The following MED13L variants were observed in gnomAD, a reference collection of about 807,000 sequenced individuals.
MED13L encodes the protein mediator of RNA polymerase II transcription subunit 13-like.
MED13L carries 7 observed loss-of-function variants against 220.9 expected under a neutral mutation model. The observed-to-expected ratio is 0.03, with a 90% CI of 0.02 to 0.06. MED13L has a LOEUF of 0.06. MED13L is among the 10% of genes least tolerant of loss of function. The pLI, the probability that MED13L is intolerant of heterozygous loss-of-function variation, is 1.00. For missense variants in MED13L, 1,965 were observed against 2,760.5 expected, an observed-to-expected ratio of 0.71 and a Z score of 6.46; for synonymous variants, 1,011 against 1,015.2, an observed-to-expected ratio of 1.00 and a Z score of 0.08.
chr12:116,142,864 T>A lies in MED13L; in HGVS notation c.311-31352A>T, dbSNP rs112799668. 8.1e-3 allele frequency among the ~76,000 whole-genome samples: 1,228 copies of A among 152,342 alleles called. 23 individuals carry two copies. The highest frequency in any genetic ancestry group is 0.028 in the African/African-American group (1,156 of 41,570). ...TTATAATATGATGGAATTATACGTTTAAAATTTAAAACTATTCTTACAGTG... is the reference window on the plus strand; with the variant it reads ...TTATAATATGATGGAATTATACGTTAAAAATTTAAAACTATTCTTACAGTG... On this transcript the variant is annotated intron_variant, in intron 2 of 30. Coordinates refer to ENST00000281928, the MANE Select transcript of MED13L (RefSeq NM_015335.5).
intron 3 of MED13L, 32 bp downstream of exon 3, chr12:116,111,396 T>C (rs1467729218): frequency 1.3e-6 from 2 of 1,581,682 alleles, no homozygotes; most frequent in South Asian, 1.1e-5. Flanking sequence ...CTTGGTTGTC[T>C]GCAAACCACT....
At position 116,237,489 on chromosome 12, in the gene MED13L, C is replaced by T. The variant is rs773879689; in HGVS notation, c.289G>A (p.Val97Ile). ...WWGDEPNLVG[V>I]IHHELQVVEE... ...TTACCCTGCAGTTCATGATGTATTA[C>T]ACCCACTAGGTTGGGTTCATCTCCC... is the stretch of plus-strand genomic sequence containing the variant. Residue 97 changes from valine to isoleucine, a missense_variant, in exon 2 of 31, where the codon GTA becomes ATA. Val to Ile is a conservative substitution (Grantham distance 29). Around this residue, in one of 10 missense-constraint regions of MED13L, gnomAD observed 818 missense variants for 1,041.2 expected, o/e 0.79. Transcript: ENST00000281928. 1.9e-6 allele frequency: 3 copies of T among 1,611,592 alleles called. No homozygotes were observed. Among genetic ancestry groups the T allele is most frequent in the Non-Finnish European group, 8.5e-7 (1 of 1,177,636 alleles).
chr12:116,263,457 T>A (rs929517368), intron 1 of MED13L, among the ~76,000 whole-genome samples: 6 of 152,188 alleles, frequency 3.9e-5, no homozygotes, highest in Admixed American at 2.6e-4. Flanking sequence ...AAGGGTCGTC[T>A]GCACCTCCTC....
At position 115,983,299 on chromosome 12, in the gene MED13L, G is replaced by C. The variant is rs1361559137; in HGVS notation, c.4773C>G (p.Ala1591=). The change falls in exon 21 of 31, where the codon GCC becomes GCG. Residue 1591 remains alanine (A), a synonymous_variant. Coordinates refer to ENST00000281928, the MANE Select transcript of MED13L (RefSeq NM_015335.5). The stretch of plus-strand genomic sequence containing the variant: ...TTATCTGGCTAATACCAGGAGCAGA[G>C]GCAGACGATGAGACCGGTGGCACAG... The part of the protein sequence containing the change: ...GSSVPPVSSS[A]SAPGISQIST... 3.7e-6 allele frequency: 6 copies of C among 1,614,232 alleles called. No individual in the cohort carries two copies. The Middle Eastern group carries it at 9.9e-4, about 266-fold the overall frequency.
At position 116,277,175 on chromosome 12, in the gene MED13L, G is replaced by A. The variant is rs1444220997; in HGVS notation, c.-44C>T. ...CCGCCAGAGCGGGGCATGTCGGAGC[G>A]AGGCGTCCGAGGCGAGGCCGGGCCG... On this transcript the variant is annotated 5_prime_UTR_variant, in exon 1 of 31. Coordinates refer to ENST00000281928, the MANE Select transcript of MED13L (RefSeq NM_015335.5). The A allele has an allele frequency of 2.1e-6, 3 of 1,413,878 alleles. No homozygotes were observed. The highest frequency in any genetic ancestry group is 2.8e-6 in the Non-Finnish European group (3 of 1,061,862). The allele number at this position is 1,413,878 out of a possible 1,614,324, so 87.6% of individuals were successfully genotyped here. A position where few individuals can be genotyped will look rare whatever the true frequency, so the allele number is the denominator to read the frequency against.
At chr12:116,240,393 C>A (rs1458347597) in intron 1 of MED13L, among the ~76,000 whole-genome samples, 1 of 151,876 alleles carries the variant, frequency 6.6e-6, no homozygotes, top group Admixed American at 6.6e-5. Context: ...GCCACTGCGC[C>A]TGGCCAAGTT....
intron 2 of MED13L, among the ~76,000 whole-genome samples, chr12:116,132,886 T>C (rs1361844932): frequency 6.6e-6 from 1 of 151,436 alleles, no homozygotes; most frequent in Non-Finnish European, 1.5e-5. Context: ...CACTCCAGCC[T>C]GGGTGACAAA....
chr12:116,128,503 G>T (rs1875794894), intron 2 of MED13L, among the ~76,000 whole-genome samples: 2 of 151,594 alleles, frequency 1.3e-5, no homozygotes, highest in African/African-American at 2.4e-5. Context: ...ATGTAAAGTA[G>T]TTACTGTCAT....
chr12:116,194,919 G>A (rs2138281417), intron 2 of MED13L, among the ~76,000 whole-genome samples: 1 of 152,248 alleles, frequency 6.6e-6, no homozygotes, highest in East Asian at 1.9e-4. Context: ...ATGTAACAGA[G>A]AGTGGGCAGA....
At chr12:116,162,184 C>CCT (rs1261992930) in intron 2 of MED13L, among the ~76,000 whole-genome samples, 1 of 150,426 alleles carries the variant, frequency 6.6e-6, no homozygotes, top group East Asian at 1.9e-4. Flanking sequence ...AAGAAAGTCC[C>CCT]CTCTGCTTTA....
intron 4 of MED13L, among the ~76,000 whole-genome samples, chr12:116,046,735 A>G (rs1021173099): frequency 1.3e-5 from 2 of 152,182 alleles, no homozygotes; most frequent in African/African-American, 4.8e-5. Context: ...GCACTTTGGG[A>G]GGACGAGACA....
intron 30 of MED13L, 145 bp from the exon 31 acceptor site, chr12:115,961,543 T>C (rs1875754596): frequency 8.7e-7 from 1 of 1,142,930 alleles, no homozygotes; most frequent in African/African-American, 1.5e-5. Flanking sequence ...TCATCCTTTG[T>C]CTCATGTTCC....
chr12:116,081,147 T>C (rs1319748302), intron 4 of MED13L, among the ~76,000 whole-genome samples: 1 of 152,210 alleles, frequency 6.6e-6, no homozygotes, highest in African/African-American at 2.4e-5. Flanking sequence ...CTCAGGACAT[T>C]AACCACTTTT....
chr12:116,068,928 G>T (rs918967883), intron 4 of MED13L, among the ~76,000 whole-genome samples: 1 of 152,080 alleles, frequency 6.6e-6, no homozygotes, highest in Non-Finnish European at 1.5e-5. Context: ...CCTGGGCAAT[G>T]AACTGGATCC....
At chr12:116,098,308 G>A (rs1872783575) in intron 3 of MED13L, among the ~76,000 whole-genome samples, 1 of 151,894 alleles carries the variant, frequency 6.6e-6, no homozygotes, top group Non-Finnish European at 1.5e-5. Context: ...GGGAAATGGG[G>A]AAAATGTGCA....
chr12:116,277,346 C>CCT lies in MED13L; in HGVS notation c.-216_-215insAG, dbSNP rs1873963246. ...CCCGGGCTGGCGGGGGGGGCGCGCG[C>CCT]CCCGGGCCGGCGCTGCGGGCCGGCC... On this transcript the variant is annotated 5_prime_UTR_variant, in exon 1 of 31. Transcript: ENST00000281928. 2 of 122,544 alleles carry CCT rather than the reference C, an allele frequency of 1.6e-5. No homozygotes were observed. The highest frequency in any genetic ancestry group is 7.6e-5 in the Admixed American group (1 of 13,190). 7.6% of individuals were successfully genotyped at this position (122,544 alleles called of 1,614,324 possible).
At chr12:116,180,564 CG>C (rs906071244) in intron 2 of MED13L, among the ~76,000 whole-genome samples, 4 of 152,076 alleles carry the variant, frequency 2.6e-5, no homozygotes, top group Non-Finnish European at 4.4e-5. Context: ...TGGTCCCAAG[CG>C]TTTCAAATAG....
In MED13L at chr12:116,019,272, A is replaced by T. The variant is rs1053714163; in HGVS notation, c.961T>A (p.Cys321Ser). The T allele has an allele frequency of 2.5e-6, 4 of 1,613,866 alleles. No individual in the cohort carries two copies. The Admixed American group carries it at 5.0e-5, about 20-fold the overall frequency. ...GTGGGAGGGGTCAGAGGCATCCCAC[A>T]GTTACTTGGGTCCTTCACACTACCA... ...GLGSVKDPSN[C>S]GMPLTPPTSP... The change falls in exon 7 of 31, where the codon TGT becomes AGT. Residue 321 changes from cysteine to serine, a missense_variant. This residue lies in a region of MED13L where 818 missense variants were observed against 1,041.2 expected (regional missense o/e 0.79). Coordinates refer to ENST00000281928, the MANE Select transcript of MED13L (RefSeq NM_015335.5).
At chr12:116,100,739 C>T (rs1322018394) in intron 3 of MED13L, among the ~76,000 whole-genome samples, 1 of 151,860 alleles carries the variant, frequency 6.6e-6, no homozygotes, top group East Asian at 1.9e-4. Flanking sequence ...AACCCTGTAT[C>T]TACAAAAAAT....
Sources: allele counts gnomAD v4.1 joint callset (sites outside exome capture counted in the v4.1 genomes callset), GRCh38; gene constraint gnomAD v4.1.1; regional missense constraint gnomAD v4.1.1; transcripts MANE v1.5; gene names NCBI Gene and HGNC (gene_info 2026-07-23, HGNC 2026-07-21).